The following DSCAML1 variants were observed in gnomAD, a reference collection of about 807,000 sequenced individuals.
DSCAML1 encodes cell adhesion molecule DSCAML1.
Under a neutral mutation model 200.5 loss-of-function variants are expected in DSCAML1, and 38 were observed. The observed-to-expected ratio is 0.19, with a 90% CI of 0.15 to 0.25. The LOEUF is 0.25. Among genes scored for constraint, DSCAML1 ranks in the 10% least tolerant of loss-of-function variants. The pLI is 1.00. For synonymous variants in DSCAML1, 1,215 were observed against 1,165.0 expected, an observed-to-expected ratio of 1.04 and a Z score of -0.87; for missense variants, 2,223 against 2,858.8, an observed-to-expected ratio of 0.78 and a Z score of 5.07.
intron 32 of DSCAML1, 105 bp from the exon 33 acceptor site, chr11:117,428,908 G>GC: frequency 8.5e-7 from 1 of 1,173,568 alleles, no homozygotes; most frequent in Non-Finnish European, 1.2e-6. Context: ...CTCTGATTTG[G>GC]CATAGGGGCC....
chr11:117,461,385 G>A (rs2048480054), intron 18 of DSCAML1, 65 bp downstream of exon 18: 3 of 1,605,182 alleles, frequency 1.9e-6, no homozygotes, highest in Non-Finnish European at 2.6e-6. Flanking sequence ...AACTACGCCT[G>A]GAAGCAGACT....
Position 117,525,075 on chromosome 11 carries a change from C to T in DSCAML1, c.667G>A (p.Glu223Lys). ...CCATCCAGGATGGTGGGGATCGACTCAGCAGGGTCTGGAAGGCAGAGAGGG... is the reference window on the plus strand; with the variant it reads ...CCATCCAGGATGGTGGGGATCGACTTAGCAGGGTCTGGAAGGCAGAGAGGG... ...GARLSVTDPAESIPTILDGFH... is the reference protein window; with the variant it reads ...GARLSVTDPAKSIPTILDGFH... Residue 223 changes from glutamate (E) to lysine (K), a missense_variant, in exon 5 of 33, where the codon GAG becomes AAG. Transcript: ENST00000651296. The T allele has an allele frequency of 6.4e-7, 1 of 1,558,602 alleles. No individual in the cohort carries two copies. Among genetic ancestry groups the T allele is most frequent in the Non-Finnish European group, 8.6e-7 (1 of 1,156,508 alleles).
At chr11:117,445,624 T>C (rs772963430) in intron 20 of DSCAML1, among the ~76,000 whole-genome samples, 3 of 152,212 alleles carry the variant, frequency 2.0e-5, no homozygotes, top group African/African-American at 7.2e-5. Flanking sequence ...CTTTGTAAAC[T>C]AGGACATATT....
Position 117,570,098 on chromosome 11 carries a change from G to A in DSCAML1, c.512-37576C>T, listed in dbSNP as rs76751093. 5.5e-3 allele frequency among the ~76,000 whole-genome samples: 837 copies of A among 152,196 alleles called. 2 individuals are homozygous for A. The highest frequency in any genetic ancestry group is 0.017 in the African/African-American group (702 of 41,536). On this transcript the variant is annotated intron_variant, in intron 3 of 32. Coordinates refer to ENST00000651296, the MANE Select transcript of DSCAML1 (RefSeq NM_020693.4). ...GAACGTGTTGAGCATGTGGGAATGCGGGAATGTGTTGGGGGATGTTCAAGC... is the reference window on the plus strand; with the variant it reads ...GAACGTGTTGAGCATGTGGGAATGCAGGAATGTGTTGGGGGATGTTCAAGC...
chr11:117,635,070 C>T (rs368696827), intron 3 of DSCAML1, among the ~76,000 whole-genome samples: 2 of 152,256 alleles, frequency 1.3e-5, no homozygotes, highest in East Asian at 3.8e-4. Context: ...GCAAATCGCC[C>T]TTTCGGGGGC....
At chr11:117,618,047 T>G (rs984905473) in intron 3 of DSCAML1, among the ~76,000 whole-genome samples, 1 of 152,220 alleles carries the variant, frequency 6.6e-6, no homozygotes, top group Non-Finnish European at 1.5e-5. Flanking sequence ...CTACCTTTGA[T>G]CTCAACAATA....
chr11:117,721,813 T>TATA lies in DSCAML1; in HGVS notation c.511+54977_511+54978insTAT, dbSNP rs777069693. 9.1e-4 allele frequency among the ~76,000 whole-genome samples: 133 copies of TATA among 146,592 alleles called. 1 individual carries two copies. Among genetic ancestry groups the TATA allele is most frequent in the African/African-American group, 3.1e-3 (124 of 40,240 alleles). On this transcript the variant is annotated intron_variant, in intron 3 of 32. Coordinates refer to ENST00000651296, the MANE Select transcript of DSCAML1 (RefSeq NM_020693.4). The stretch of plus-strand genomic sequence containing the variant: ...ATATGATATGTACATATATATATAT[T>TATA]TTTTTTTTTTTTGAGACAGAGTCTC...
intron 1 of DSCAML1, among the ~76,000 whole-genome samples, chr11:117,806,940 G>A (rs1209182728): frequency 6.6e-6 from 1 of 152,156 alleles, no homozygotes; most frequent in African/African-American, 2.4e-5. Context: ...TTTTTCTGAA[G>A]CAAATTTCTT....
At chr11:117,589,995 C>T (rs1376386990) in intron 3 of DSCAML1, among the ~76,000 whole-genome samples, 12 of 152,140 alleles carry the variant, frequency 7.9e-5, no homozygotes, top group Non-Finnish European at 1.8e-4. Flanking sequence ...TCCTAAACTT[C>T]AGGGTTTGGG....
intron 1 of DSCAML1, among the ~76,000 whole-genome samples, chr11:117,795,711 A>G (rs2055559788): frequency 6.6e-6 from 1 of 152,064 alleles, no homozygotes. Context: ...CAGTATCTAC[A>G]AATAAGGGTT....
intron 3 of DSCAML1, among the ~76,000 whole-genome samples, chr11:117,650,600 G>A (rs193033583): frequency 1.3e-5 from 2 of 152,144 alleles, no homozygotes; most frequent in African/African-American, 4.8e-5. Flanking sequence ...TCACAGTACC[G>A]AGCTGGTGAT....
intron 3 of DSCAML1, among the ~76,000 whole-genome samples, chr11:117,713,918 T>C (rs961239330): frequency 1.3e-5 from 2 of 152,134 alleles, no homozygotes; most frequent in African/African-American, 4.8e-5. Context: ...TCTCCAGCAG[T>C]CCACAGAGCA....
intron 3 of DSCAML1, among the ~76,000 whole-genome samples, chr11:117,731,834 C>T (rs1288698901): frequency 6.6e-6 from 1 of 152,186 alleles, no homozygotes; most frequent in Non-Finnish European, 1.5e-5. Flanking sequence ...TGAAATGGCA[C>T]AACAGGCTAT....
At chr11:117,793,972 C>T (rs1270955263) in intron 1 of DSCAML1, among the ~76,000 whole-genome samples, 3 of 152,072 alleles carry the variant, frequency 2.0e-5, no homozygotes, top group South Asian at 2.1e-4. Context: ...ACTGGCCCTT[C>T]GCCTGCCTCC....
intron 3 of DSCAML1, among the ~76,000 whole-genome samples, chr11:117,734,203 G>T (rs1454361103): frequency 6.6e-6 from 1 of 152,310 alleles, no homozygotes; most frequent in East Asian, 1.9e-4. Context: ...CCAAGTTACT[G>T]CCCAGTGACC....
intron 32 of DSCAML1, 75 bp from the exon 33 acceptor site, chr11:117,428,878 T>C: frequency 7.3e-7 from 1 of 1,368,690 alleles, no homozygotes; most frequent in Non-Finnish European, 9.9e-7. Flanking sequence ...CCCCACCCCA[T>C]CCCCTGCCCC....
At chr11:117,460,254 G>A (rs1335793626) in intron 18 of DSCAML1, among the ~76,000 whole-genome samples, 2 of 152,196 alleles carry the variant, frequency 1.3e-5, no homozygotes, top group Non-Finnish European at 2.9e-5. Flanking sequence ...AAAGAACTGG[G>A]GAGACCTTCA....
chr11:117,432,821 G>C (rs2047830051), intron 29 of DSCAML1, among the ~76,000 whole-genome samples: 1 of 150,954 alleles, frequency 6.6e-6, no homozygotes, highest in African/African-American at 2.4e-5. Flanking sequence ...ATGTTGCCCA[G>C]GCTTGTCTCG....
intron 3 of DSCAML1, among the ~76,000 whole-genome samples, chr11:117,554,367 CTATTATT>C (rs1027559817): frequency 5.3e-5 from 8 of 150,978 alleles, no homozygotes; most frequent in African/African-American, 9.7e-5. Flanking sequence ...ACATTTTATT[CTATTATT>C]TATTATTTAT....
Sources: gnomAD v4.1 joint callset for allele counts (sites outside exome capture counted in the v4.1 genomes callset) on GRCh38, gnomAD v4.1.1 for gene constraint, MANE v1.5 for transcripts, NCBI Gene and HGNC (gene_info 2026-07-23, HGNC 2026-07-21) for gene names.